The following ESR1 variants were observed in gnomAD, a reference collection of about 807,000 sequenced individuals.
ESR1 encodes the protein estrogen receptor.
A neutral mutation model predicts 52.7 loss-of-function variants in ESR1; 12 were observed. That is an observed-to-expected ratio of 0.23 (90% confidence interval 0.15 to 0.37). ESR1 has a LOEUF of 0.37. Among genes scored for constraint, ESR1 ranks in the 10% least tolerant of loss-of-function variants. ESR1 has a pLI of 1.00. For missense variants in ESR1, 584 were observed against 779.7 expected (o/e 0.75, Z 2.99); for synonymous variants, 305 against 316.8 (o/e 0.96, Z 0.39).
intron 2 of ESR1, among the ~76,000 whole-genome samples, chr6:151,748,198 G>A (rs753385846): frequency 2.6e-5 from 4 of 152,114 alleles, no homozygotes; most frequent in African/African-American, 7.2e-5. Context: ...CATATTCATG[G>A]AGTAAAAGTA....
intron 5 of ESR1, among the ~76,000 whole-genome samples, chr6:152,036,966 A>G (rs2045359496): frequency 6.6e-6 from 1 of 152,198 alleles, no homozygotes; most frequent in African/African-American, 2.4e-5. Flanking sequence ...GGGGAAAGAA[A>G]AGAGAGCAAT....
chr6:151,982,115 C>T (rs903396773), intron 4 of ESR1, among the ~76,000 whole-genome samples: 7 of 152,164 alleles, frequency 4.6e-5, no homozygotes, highest in African/African-American at 1.7e-4. Flanking sequence ...TACTGTGTGC[C>T]AGTTGGTGAA....
chr6:151,860,311 T>A (rs374807133), intron 2 of ESR1, among the ~76,000 whole-genome samples: 5 of 152,230 alleles, frequency 3.3e-5, no homozygotes, highest in African/African-American at 1.2e-4. Flanking sequence ...ATTTCCAGTG[T>A]ATAATACAGT....
chr6:151,840,610 G>A (rs1784136530), intron 1 of ESR1, among the ~76,000 whole-genome samples: 1 of 152,134 alleles, frequency 6.6e-6, no homozygotes, highest in Admixed American at 6.5e-5. Context: ...ATACAATTTG[G>A]GCTAAAAGGA....
intron 3 of ESR1, among the ~76,000 whole-genome samples, chr6:151,916,287 G>T (rs1020995674): frequency 2.0e-5 from 3 of 152,112 alleles, no homozygotes; most frequent in African/African-American, 7.2e-5. Context: ...CCTGGCTCTG[G>T]GGTAATACTA....
At chr6:152,115,110 C>T (rs564649935) in intron 6 of ESR1, among the ~76,000 whole-genome samples, 1 of 152,184 alleles carries the variant, frequency 6.6e-6, no homozygotes, top group East Asian at 1.9e-4. Flanking sequence ...ACATGTCTCT[C>T]CAAACTTTCA....
chr6:151,689,523 A>G (rs1778818668), upstream of ESR1, among the ~76,000 whole-genome samples: 4 of 152,270 alleles, frequency 2.6e-5, no homozygotes, highest in Admixed American at 2.6e-4. Flanking sequence ...ACTGATAAGT[A>G]TAGAGAAGAC....
intron 2 of ESR1, among the ~76,000 whole-genome samples, chr6:151,710,330 A>T (rs564368939): frequency 6.6e-6 from 1 of 152,104 alleles, no homozygotes; most frequent in East Asian, 1.9e-4. Flanking sequence ...TTACATTTTT[A>T]AAATACTGAT....
At position 151,736,027 on chromosome 6, in the gene ESR1, G is replaced by A. The variant is rs146925264; in HGVS notation, c.-71+34022G>A. ...TTGTAAGTTTCCTGAGGCCACCCCA[G>A]CCATGTGGAACTGTTGAGTCAATTA... On this transcript the variant is annotated intron_variant, in intron 2 of 2. Coordinates refer to the ESR1 transcript ENST00000404742. Among the ~76,000 whole-genome samples, 601 of 152,250 alleles carry A rather than the reference G, an allele frequency of 3.9e-3. 3 individuals carry two copies. The highest frequency in any genetic ancestry group is 0.013 in the African/African-American group (532 of 41,536).
In ESR1 at chr6:151,965,902, T is replaced by G. The variant is rs570322592; in HGVS notation, c.1096+21394T>G. Among the ~76,000 whole-genome samples, 3 of 152,314 alleles carry G rather than the reference T, an allele frequency of 2.0e-5. No individual in the cohort carries two copies. In the East Asian group the frequency reaches 5.8e-4, roughly 29 times the overall value. On this transcript the variant is annotated intron_variant, in intron 4 of 7. Transcript: ENST00000206249. ...TGAAATTTGATTATACAACTAGCAT[T>G]CAAAACATTATTATGTAAATATTAG...
intron 3 of ESR1, among the ~76,000 whole-genome samples, chr6:151,911,289 G>A (rs934242263): frequency 6.6e-6 from 1 of 152,190 alleles, no homozygotes; most frequent in Non-Finnish European, 1.5e-5. Flanking sequence ...TATCAAAAAG[G>A]CTATCCGTCG....
rs952644184 is a variant in ESR1 at position 151,661,167 on chromosome 6, G to T, written n.73+4404G>T. Among the ~76,000 whole-genome samples the T allele has an allele frequency of 8.5e-5, 13 of 152,300 alleles. No individual in the cohort carries two copies. The East Asian group carries it at 2.1e-3, about 25-fold the overall frequency. On this transcript the variant is annotated intron_variant and non_coding_transcript_variant, in intron 1 of 2. Transcript: ENST00000473497. Reference sequence around the variant, plus strand: ...TTATTTAGAAAATTCTTACAATTTTGTATTTTGAAAGCACCATGTGGATAT... The same window carrying T: ...TTATTTAGAAAATTCTTACAATTTTTTATTTTGAAAGCACCATGTGGATAT...
chr6:152,019,691 C>T (rs2043462832), intron 5 of ESR1, among the ~76,000 whole-genome samples: 1 of 152,130 alleles, frequency 6.6e-6, no homozygotes, highest in Admixed American at 6.6e-5. Context: ...AAAATATTCT[C>T]ATAATATTTA....
intron 2 of ESR1, among the ~76,000 whole-genome samples, chr6:151,754,733 C>T (rs1784152003): frequency 6.6e-6 from 1 of 152,188 alleles, no homozygotes; most frequent in Non-Finnish European, 1.5e-5. Flanking sequence ...TTTCCACAAT[C>T]TCTCAAAACT....
chr6:151,988,090 G>A (rs2040664789), intron 4 of ESR1, among the ~76,000 whole-genome samples: 1 of 152,082 alleles, frequency 6.6e-6, no homozygotes, highest in Non-Finnish European at 1.5e-5. Context: ...GGGGCTGGAA[G>A]GTGATTCCAG....
At chr6:151,700,359 C>T (rs572376308) in intron 1 of ESR1, among the ~76,000 whole-genome samples, 30 of 152,238 alleles carry the variant, frequency 2.0e-4, no homozygotes, top group Admixed American at 5.9e-4. Context: ...AATTCTGAGG[C>T]TCTGACCTTT....
upstream of ESR1, among the ~76,000 whole-genome samples, chr6:151,689,657 G>A (rs1169562227): frequency 6.6e-6 from 1 of 152,100 alleles, no homozygotes; most frequent in Non-Finnish European, 1.5e-5. Context: ...CCTCTGTACT[G>A]GGTACTGGGA....
At chr6:151,707,225 A>C (rs1018330567) in intron 2 of ESR1, among the ~76,000 whole-genome samples, 5 of 152,352 alleles carry the variant, frequency 3.3e-5, no homozygotes, top group Admixed American at 2.0e-4. Context: ...TAGCAAGTTT[A>C]GAAAAGAGAT....
chr6:152,066,315 A>G (rs2047962453), intron 6 of ESR1, among the ~76,000 whole-genome samples: 1 of 152,256 alleles, frequency 6.6e-6, no homozygotes, highest in Non-Finnish European at 1.5e-5. Flanking sequence ...AATTACTCAG[A>G]TTGTTTATGT....
Sources: allele counts gnomAD v4.1 joint callset (sites outside exome capture counted in the v4.1 genomes callset), GRCh38; gene constraint gnomAD v4.1.1; transcripts MANE v1.5; gene names NCBI Gene and HGNC (gene_info 2026-07-23, HGNC 2026-07-21).